Variants in GCNT1 observed in about 807,000 individuals in gnomAD.
The protein encoded by GCNT1 is beta-1,3-galactosyl-O-glycosyl-glycoprotein beta-1,6-N-acetylglucosaminyltransferase.
Under a neutral mutation model 26.2 loss-of-function variants are expected in GCNT1, and 16 were observed. The ratio of observed to expected loss-of-function variants is 0.61; its 90% CI spans 0.41 to 0.93. GCNT1 has a LOEUF of 0.93. GCNT1 is among the 40% of genes least tolerant of loss of function. The pLI is 0.00. For synonymous variants in GCNT1, 183 were observed against 190.8 expected (o/e 0.96, Z 0.34); for missense variants, 477 against 526.7 (o/e 0.91, Z 0.92).
chr9:76,396,678 CA>C, the GCNT1 span, among the ~76,000 whole-genome samples: 1 of 151,950 alleles, frequency 6.6e-6, no homozygotes. Context: ...CCCGTCTCTA[CA>C]AAAAATACAA....
intron 2 of GCNT1, among the ~76,000 whole-genome samples, chr9:76,467,128 C>T (rs765545856): frequency 2.0e-4 from 30 of 151,964 alleles, no homozygotes; most frequent in African/African-American, 2.9e-4. Flanking sequence ...CTGCAACCTA[C>T]GCCTCCCAGG....
the GCNT1 span, among the ~76,000 whole-genome samples, chr9:76,401,487 C>G: frequency 6.6e-6 from 1 of 152,096 alleles, no homozygotes; most frequent in Non-Finnish European, 1.5e-5. Context: ...ATAAAATTTA[C>G]TTCATGTAGT....
At chr9:76,490,011 TA>T (rs1457292471) in intron 2 of GCNT1, among the ~76,000 whole-genome samples, 2 of 152,176 alleles carry the variant, frequency 1.3e-5, no homozygotes, top group Non-Finnish European at 2.9e-5. Context: ...ACAAGGAGGT[TA>T]AAAATACAGG....
intron 2 of GCNT1, among the ~76,000 whole-genome samples, chr9:76,463,852 G>C (rs190922028): frequency 6.6e-6 from 1 of 152,234 alleles, no homozygotes; most frequent in African/African-American, 2.4e-5. Flanking sequence ...TAACCTGGTT[G>C]AGGGGAGAGG....
chr9:76,455,062 G>A (rs1046863322), upstream of GCNT1, among the ~76,000 whole-genome samples: 1 of 151,774 alleles, frequency 6.6e-6, no homozygotes, highest in Non-Finnish European at 1.5e-5. Flanking sequence ...TGGTCAGGCT[G>A]GTCTCGAACT....
intron 1 of GCNT1, among the ~76,000 whole-genome samples, chr9:76,432,194 G>A (rs1823345247): frequency 6.6e-6 from 1 of 152,098 alleles, no homozygotes; most frequent in Admixed American, 6.5e-5. Context: ...ATTTTTTATT[G>A]GGTGACCTAA....
At chr9:76,451,143 GTTC>G (rs944543700) in intron 1 of GCNT1, among the ~76,000 whole-genome samples, 22 of 152,102 alleles carry the variant, frequency 1.4e-4, no homozygotes, top group African/African-American at 5.3e-4. Flanking sequence ...TCTTCCTCAT[GTTC>G]TTTTCAATGT....
Position 76,503,166 on chromosome 9 carries a change from T to C in GCNT1, c.785T>C (p.Val262Ala). ...EERWKKRYEV[V>A]NGKLTNTGTV... Reference sequence around the variant, plus strand: ...AGGTGGAAGAAGCGGTATGAGGTCGTTAATGGAAAGCTGACAAACACAGGG... The same window carrying C: ...AGGTGGAAGAAGCGGTATGAGGTCGCTAATGGAAAGCTGACAAACACAGGG... The change falls in exon 4 of 4, where the codon GTT (valine) becomes GCT (alanine). Residue 262 changes from valine (V) to alanine (A), a missense_variant. Val to Ala is a moderately conservative substitution (Grantham distance 64, BLOSUM62 0). Transcript: ENST00000376730. 6.2e-7 allele frequency: 1 copy of C among 1,614,138 alleles called. No homozygotes were observed.
upstream of GCNT1, among the ~76,000 whole-genome samples, chr9:76,458,171 T>C (rs1181317437): frequency 2.2e-5 from 3 of 138,804 alleles, no homozygotes. Context: ...GGCCTCTGAG[T>C]TGGATTTTTT....
intron 1 of GCNT1, among the ~76,000 whole-genome samples, chr9:76,435,894 A>C (rs1387752542): frequency 6.6e-6 from 1 of 151,668 alleles, no homozygotes; most frequent in Non-Finnish European, 1.5e-5. Context: ...GGTACATTCA[A>C]TCCTGGAGCA....
upstream of GCNT1, among the ~76,000 whole-genome samples, chr9:76,415,756 T>G (rs577400863): frequency 2.6e-5 from 4 of 152,304 alleles, no homozygotes; most frequent in African/African-American, 9.6e-5. Context: ...TATTGACAAC[T>G]AATTACACAA....
At chr9:76,445,011 A>C (rs1399658876) in intron 1 of GCNT1, among the ~76,000 whole-genome samples, 1 of 152,224 alleles carries the variant, frequency 6.6e-6, no homozygotes, top group African/African-American at 2.4e-5. Context: ...ACCATACTTC[A>C]AATATTTACT....
At chr9:76,443,834 C>T (rs534202012) in intron 1 of GCNT1, among the ~76,000 whole-genome samples, 32 of 151,392 alleles carry the variant, frequency 2.1e-4, no homozygotes, top group African/African-American at 7.5e-4. Context: ...TGAGCCACTG[C>T]ACTCCAGCCT....
At chr9:76,501,902 T>G (rs1318137463) in intron 3 of GCNT1, 4 of 152,282 alleles carry the variant, frequency 2.6e-5, no homozygotes, top group African/African-American at 9.6e-5. Flanking sequence ...GGCGTCCAAC[T>G]ATGGTTTTGC....
At chr9:76,438,932 A>G (rs1426029134), upstream of GCNT1, among the ~76,000 whole-genome samples, 1 of 152,204 alleles carries the variant, frequency 6.6e-6, no homozygotes, top group Non-Finnish European at 1.5e-5. Context: ...TAAGCCGTGT[A>G]TGTGTGGGCA....
chr9:76,474,075 G>A (rs189584132), intron 2 of GCNT1, among the ~76,000 whole-genome samples: 71 of 152,232 alleles, frequency 4.7e-4, no homozygotes, highest in African/African-American at 1.4e-3. Flanking sequence ...ACTCTAGCTT[G>A]GGTAACAGAG....
In GCNT1 at chr9:76,447,354, T is replaced by G. The variant is rs529243702; in HGVS notation, c.-290+5039T>G. Among the ~76,000 whole-genome samples the G allele has an allele frequency of 1.7e-4, 26 of 151,754 alleles. No homozygotes were observed. The East Asian group carries it at 5.1e-3, about 30-fold the overall frequency. Reference sequence around the variant, plus strand: ...TCCCGGGCTCAGGCAATCCTTCCACTTTAGCCTCCTTAATAGCTGGGACCA... The same window carrying G: ...TCCCGGGCTCAGGCAATCCTTCCACGTTAGCCTCCTTAATAGCTGGGACCA... On this transcript the variant is annotated intron_variant, in intron 1 of 2. Transcript: ENST00000442371.
upstream of GCNT1, among the ~76,000 whole-genome samples, chr9:76,458,459 G>C (rs150552655): frequency 0.06 from 9,053 of 152,120 alleles, 295 homozygotes; most frequent in Middle Eastern, 0.1. Flanking sequence ...TGGGATTACA[G>C]GCGTGAGCCA....
chr9:76,466,937 C>G (rs1328440013), intron 2 of GCNT1, among the ~76,000 whole-genome samples: 1 of 152,190 alleles, frequency 6.6e-6, no homozygotes, highest in African/African-American at 2.4e-5. Flanking sequence ...TACCTTGAAG[C>G]TTGGCCCTGT....
Sources: allele counts gnomAD v4.1 joint callset (sites outside exome capture counted in the v4.1 genomes callset), GRCh38; gene constraint gnomAD v4.1.1; transcripts MANE v1.5; gene names NCBI Gene and HGNC (gene_info 2026-07-23, HGNC 2026-07-21).